The following NRXN3 variants were observed in gnomAD, a reference collection of about 807,000 sequenced individuals.
The protein encoded by NRXN3 is neurexin 3, also known as neurexin III.
In NRXN3, 32 loss-of-function variants were observed where a neutral mutation model predicts 137.6. That is an observed-to-expected ratio of 0.23 (90% CI 0.18 to 0.31). NRXN3 has a LOEUF of 0.31. Among genes scored for constraint, NRXN3 ranks in the 10% least tolerant of loss-of-function variants. The pLI, the probability that NRXN3 is intolerant of heterozygous loss-of-function variation, is 1.00. For missense variants in NRXN3, 1,574 were observed against 2,062.5 expected (o/e 0.76, Z 4.59); for synonymous variants, 798 against 784.5 (o/e 1.02, Z -0.29).
intron 16 of NRXN3, among the ~76,000 whole-genome samples, chr14:79,497,574 T>C (rs2096779624): frequency 6.6e-6 from 1 of 152,204 alleles, no homozygotes; most frequent in Non-Finnish European, 1.5e-5. Flanking sequence ...TATTAATTTC[T>C]TTTTACTTGG....
At chr14:79,526,367 A>C (rs1253536285) in intron 16 of NRXN3, among the ~76,000 whole-genome samples, 1 of 152,068 alleles carries the variant, frequency 6.6e-6, no homozygotes, top group Non-Finnish European at 1.5e-5. Flanking sequence ...AATTTAAAAA[A>C]ATTTTTTTGC....
intron 15 of NRXN3, among the ~76,000 whole-genome samples, chr14:79,364,266 A>G (rs1189148277): frequency 6.6e-6 from 1 of 152,226 alleles, no homozygotes; most frequent in East Asian, 1.9e-4. Flanking sequence ...AATGGTTCTA[A>G]TGACCCCATT....
rs1808350 is a variant in NRXN3 at position 79,706,853 on chromosome 14, T to C, written c.4014+8916T>C. Among the ~76,000 whole-genome samples the C allele has an allele frequency of 8.9e-3, 1,348 of 152,302 alleles. 5 individuals carry two copies. The highest frequency in any genetic ancestry group is 0.02 in the South Asian group (97 of 4,828). On this transcript the variant is annotated intron_variant, in intron 19 of 20. Transcript: ENST00000335750. ...CATCTGCTTCTTAGAGCTAAGTGAT[T>C]GTACTCAACAAATAGTGTGGAGACC...
At chr14:78,980,542 G>A (rs756829667) in intron 14 of NRXN3, among the ~76,000 whole-genome samples, 31 of 152,194 alleles carry the variant, frequency 2.0e-4, no homozygotes, top group Non-Finnish European at 3.8e-4. Flanking sequence ...TCTAGGCCAT[G>A]AAGAGGAATT....
At chr14:79,007,340 G>A (rs1255269425) in intron 15 of NRXN3, among the ~76,000 whole-genome samples, 1 of 152,040 alleles carries the variant, frequency 6.6e-6, no homozygotes, top group African/African-American at 2.4e-5. Flanking sequence ...TTGATGATGA[G>A]GGTTGTCGTT....
rs75305117 is a variant in NRXN3, at chr14:79,671,904, G to A, written c.3616+7955G>A. Among the ~76,000 whole-genome samples the A allele has an allele frequency of 5.3e-3, 807 of 151,996 alleles. 54 individuals carry two copies. In the East Asian group the frequency reaches 0.14, roughly 26 times the overall value. On this transcript the variant is annotated intron_variant, in intron 17 of 20. Coordinates refer to ENST00000335750, the MANE Select transcript of NRXN3 (RefSeq NM_001330195.2). ...GATAGAAATACATAAAACATTTGAG[G>A]TGGTGGGAACACATGGACACAGGGC... is the stretch of plus-strand genomic sequence containing the variant.
intron 15 of NRXN3, among the ~76,000 whole-genome samples, chr14:79,440,732 C>A (rs2095924472): frequency 6.6e-6 from 1 of 152,088 alleles, no homozygotes; most frequent in Non-Finnish European, 1.5e-5. Context: ...AAAACGACCA[C>A]ACTTTCAAAA....
intron 16 of NRXN3, among the ~76,000 whole-genome samples, chr14:79,487,036 G>T (rs2096663880): frequency 6.6e-6 from 1 of 150,896 alleles, no homozygotes; most frequent in African/African-American, 2.4e-5. Context: ...GAAGAGCAAA[G>T]GTTCTGCAGC....
intron 15 of NRXN3, among the ~76,000 whole-genome samples, chr14:79,059,250 CTTTTTTTTTTTTTTT>C (rs869266975): frequency 1.3e-5 from 1 of 78,320 alleles, no homozygotes. Flanking sequence ...AGGCCCTATT[CTTTTTTTTTTTTTTT>C]TTTTTTTTTT....
At position 78,510,040 on chromosome 14, in the gene NRXN3, T is replaced by TTATATA. The variant is rs57232548; in HGVS notation, c.758-135066_758-135061dup. Among the ~76,000 whole-genome samples the TTATATA allele has an allele frequency of 1.5e-4, 22 of 144,422 alleles. 1 individual carries two copies. Among genetic ancestry groups the TTATATA allele is most frequent in the African/African-American group, 3.3e-4 (12 of 36,498 alleles). 94.7% of individuals were successfully genotyped at this position (144,422 alleles called of 152,430 possible). ...AAGGCAGCCAGAACATGACAAAATT[T>TTATATA]TATATATATATATATATATTTTGGC... On this transcript the variant is annotated intron_variant, in intron 4 of 20. Coordinates refer to ENST00000335750, the MANE Select transcript of NRXN3 (RefSeq NM_001330195.2).
chr14:79,322,249 C>T (rs2090155445), intron 15 of NRXN3, among the ~76,000 whole-genome samples: 1 of 152,082 alleles, frequency 6.6e-6, no homozygotes, highest in South Asian at 2.1e-4. Context: ...TTTCTAAATC[C>T]TTCATGTGGC....
chr14:78,660,912 G>A (rs1349863534), intron 6 of NRXN3, among the ~76,000 whole-genome samples: 2 of 152,094 alleles, frequency 1.3e-5, no homozygotes, highest in Non-Finnish European at 2.9e-5. Flanking sequence ...GACAAAAGTA[G>A]GAAATGTAAT....
chr14:78,939,426 G>A (rs1480351269), intron 10 of NRXN3, among the ~76,000 whole-genome samples: 1 of 152,192 alleles, frequency 6.6e-6, no homozygotes, highest in Non-Finnish European at 1.5e-5. Flanking sequence ...GTTACACAAT[G>A]TTCATCTACC....
intron 3 of NRXN3, among the ~76,000 whole-genome samples, chr14:78,292,595 AT>A (rs1308975521): frequency 6.6e-6 from 1 of 152,124 alleles, no homozygotes; most frequent in Non-Finnish European, 1.5e-5. Context: ...GCTTTCTTAT[AT>A]TTTTGTAATT....
chr14:78,564,740 G>A (rs926616939), intron 4 of NRXN3, among the ~76,000 whole-genome samples: 22 of 152,014 alleles, frequency 1.4e-4, no homozygotes, highest in African/African-American at 4.6e-4. Context: ...CTTCACGGCC[G>A]CCATGGTAGG....
intron 20 of NRXN3, among the ~76,000 whole-genome samples, chr14:79,846,353 C>A (rs978676945): frequency 1.3e-5 from 2 of 152,162 alleles, no homozygotes; most frequent in Non-Finnish European, 2.9e-5. Context: ...CATGTGCTAT[C>A]TGTTCCCAAA....
chr14:78,739,424 T>C (rs574942999), intron 8 of NRXN3, among the ~76,000 whole-genome samples: 131 of 152,298 alleles, frequency 8.6e-4, no homozygotes, highest in Non-Finnish European at 1.6e-3. Flanking sequence ...ACAAAGAACT[T>C]TGGTTGCCCT....
intron 4 of NRXN3, among the ~76,000 whole-genome samples, chr14:78,300,517 C>T (rs1044086224): frequency 4.6e-5 from 7 of 152,204 alleles, no homozygotes; most frequent in African/African-American, 1.7e-4. Context: ...TGCAATGCTA[C>T]TGCCTTTACT....
intron 10 of NRXN3, among the ~76,000 whole-genome samples, chr14:78,931,217 A>C (rs1418787698): frequency 6.6e-6 from 1 of 152,126 alleles, no homozygotes; most frequent in Admixed American, 6.6e-5. Flanking sequence ...ATACAAAACT[A>C]ATGATATTTT....
Sources: allele counts gnomAD v4.1 joint callset (sites outside exome capture counted in the v4.1 genomes callset), GRCh38; gene constraint gnomAD v4.1.1; transcripts MANE v1.5; gene names NCBI Gene and HGNC (gene_info 2026-07-23, HGNC 2026-07-21).